The following SLC22A4 variants were observed in gnomAD, a reference collection of about 807,000 sequenced individuals.
The protein encoded by SLC22A4 is solute carrier family 22 member 4.
SLC22A4 carries 39 observed loss-of-function variants against 56.6 expected under a neutral mutation model. The observed-to-expected ratio is 0.69, with a 90% CI of 0.53 to 0.90. The LOEUF (loss-of-function observed/expected upper bound fraction) is 0.90. SLC22A4 is among the 40% of genes least tolerant of loss of function. The pLI is 0.00. For missense variants in SLC22A4, 594 were observed against 696.5 expected (o/e 0.85, Z 1.66); for synonymous variants, 241 against 281.4 (o/e 0.86, Z 1.44).
At chr5:132,338,737 G>A (rs1056182723) in intron 8 of SLC22A4, among the ~76,000 whole-genome samples, 8 of 152,150 alleles carry the variant, frequency 5.3e-5, no homozygotes, top group Admixed American at 2.0e-4. Context: ...ACTCACCAGC[G>A]GTCAGAGTTT....
Position 132,344,138 on chromosome 5 carries a change from C to A in SLC22A4, c.*303C>A. The A allele has an allele frequency of 3.2e-6, 1 of 316,978 alleles. No individual in the cohort carries two copies. Among genetic ancestry groups the A allele is most frequent in the Non-Finnish European group, 5.8e-6 (1 of 172,432 alleles). The allele number at this position is 316,978 out of a possible 1,614,324, so 19.6% of individuals were successfully genotyped here. A position where few individuals can be genotyped will look rare whatever the true frequency, so the allele number is the denominator to read the frequency against. ...TACATATAAAGATTAACACTCATTT[C>A]CAATCATACAAATACTATCCAAATA... On this transcript the variant is annotated 3_prime_UTR_variant, in exon 10 of 10. Transcript: ENST00000200652.
chr5:132,322,910 C>T (rs1205505087), intron 4 of SLC22A4, among the ~76,000 whole-genome samples: 1 of 152,174 alleles, frequency 6.6e-6, no homozygotes, highest in South Asian at 2.1e-4. Context: ...AGTTTTAACA[C>T]AACAGTTATA....
chr5:132,311,965 A>G, intron 1 of SLC22A4, 196 bp from the exon 2 acceptor site: 2 of 646,152 alleles, frequency 3.1e-6, no homozygotes, highest in South Asian at 1.7e-5. Flanking sequence ...GACCTGCCCC[A>G]GGTTACTCTC....
At chr5:132,306,369 A>G (rs1236620885) in intron 1 of SLC22A4, among the ~76,000 whole-genome samples, 1 of 127,028 alleles carries the variant, frequency 7.9e-6, no homozygotes, top group African/African-American at 2.9e-5. Flanking sequence ...AAAACGTGGT[A>G]GACCCAAACC....
chr5:132,339,394 G>A (rs1360525267), intron 8 of SLC22A4, among the ~76,000 whole-genome samples: 1 of 151,752 alleles, frequency 6.6e-6, no homozygotes, highest in Non-Finnish European at 1.5e-5. Flanking sequence ...CCCCATGCCT[G>A]GTCCTCATTA....
At chr5:132,303,295 T>TAC (rs57867025) in intron 1 of SLC22A4, among the ~76,000 whole-genome samples, 4,219 of 150,818 alleles carry the variant, frequency 0.028, 165 homozygotes, top group African/African-American at 0.09. Context: ...CTGGTGAAAA[T>TAC]ACACACACAC....
intron 6 of SLC22A4, among the ~76,000 whole-genome samples, chr5:132,332,730 G>GCACACACACACA (rs3840351): frequency 9.2e-4 from 134 of 145,742 alleles, no homozygotes; most frequent in African/African-American, 2.7e-3. Context: ...TATGATGGCA[G>GCACACACACACA]CACACACACA....
intron 1 of SLC22A4, chr5:132,295,353 T>G: frequency 3.8e-6 from 2 of 531,392 alleles, no homozygotes; most frequent in African/African-American, 1.9e-5. Context: ...CTGAGTCACC[T>G]TCCTGCCAGG....
intron 9 of SLC22A4, among the ~76,000 whole-genome samples, chr5:132,342,484 C>A (rs998018728): frequency 1.3e-5 from 2 of 152,166 alleles, no homozygotes; most frequent in African/African-American, 4.8e-5. Context: ...TATTGAGTGT[C>A]CTATAATGCA....
intron 4 of SLC22A4, 108 bp from the exon 5 acceptor site, chr5:132,327,169 G>C (rs1561543872): frequency 1.1e-6 from 1 of 909,982 alleles, no homozygotes; most frequent in East Asian, 2.7e-5. Flanking sequence ...CCTTTAAAAA[G>C]ACAAACTAGA....
chr5:132,321,519 T>C lies in SLC22A4; in HGVS notation c.653-665T>C, dbSNP rs377394205. Among the ~76,000 whole-genome samples, 22 of 152,344 alleles carry C rather than the reference T, an allele frequency of 1.4e-4. No individual in the cohort carries two copies. The East Asian group carries it at 2.9e-3, about 20-fold the overall frequency. ...TTGTCTCCTGAAATGCTCTCTCTGC[T>C]TCTCATGTTGGGGCTCTTATTTTGG... On this transcript the variant is annotated intron_variant, in intron 3 of 9. Coordinates refer to ENST00000200652, the MANE Select transcript of SLC22A4 (RefSeq NM_003059.3).
At chr5:132,321,722 A>G (rs868571512) in intron 3 of SLC22A4, among the ~76,000 whole-genome samples, 1 of 152,164 alleles carries the variant, frequency 6.6e-6, no homozygotes, top group African/African-American at 2.4e-5. Flanking sequence ...AGCCTGGCCA[A>G]CATGGCGAAA....
At position 132,313,776 on chromosome 5, in the gene SLC22A4, T is replaced by C. The variant is rs759365485; in HGVS notation, c.652+8T>C. 6.2e-7 allele frequency: 1 copy of C among 1,613,940 alleles called. No individual in the cohort carries two copies. The highest frequency in any genetic ancestry group is 2.2e-5 in the East Asian group (1 of 44,882). ...TGGTAGCCTTCATACTAGGTAGGAA[T>C]GGCTTCTGGGACATGGGGTGCTTCC... On this transcript the variant is annotated splice_region_variant and intron_variant, in intron 3 of 9. Coordinates refer to ENST00000200652, the MANE Select transcript of SLC22A4 (RefSeq NM_003059.3).
At chr5:132,311,267 C>T (rs1750172655) in intron 1 of SLC22A4, 1 of 152,148 alleles carries the variant, frequency 6.6e-6, no homozygotes, top group African/African-American at 2.4e-5. Context: ...AAACCCAAGC[C>T]CAAAGTGCTC....
In SLC22A4 at chr5:132,343,954, A is replaced by T; in HGVS notation, c.*119A>T. On this transcript the variant is annotated 3_prime_UTR_variant, in exon 10 of 10. Transcript: ENST00000200652. ...GATTGACACCAAAATGAACCTTGCTATCAAGAAATGCTCGTCATACAGTAA... is the reference window on the plus strand; with the variant it reads ...GATTGACACCAAAATGAACCTTGCTTTCAAGAAATGCTCGTCATACAGTAA... 1 of 667,928 alleles carries T rather than the reference A, an allele frequency of 1.5e-6. No homozygotes were observed. The highest frequency in any genetic ancestry group is 2.7e-6 in the Non-Finnish European group (1 of 374,808). The allele number at this position is 667,928 out of a possible 1,614,324, so 41.4% of individuals were successfully genotyped here.
rs1191983812 is a variant in SLC22A4 at position 132,312,146 on chromosome 5, T to C, written c.394-15T>C. ...TCAGGGTTGGGCTCACGCTTCATGC[T>C]GTCTTCCTTGGCAGTGGAATCTGGT... On this transcript the variant is annotated splice_polypyrimidine_tract_variant and intron_variant, in intron 1 of 9. Transcript: ENST00000200652. 1 of 1,539,672 alleles carries C rather than the reference T, an allele frequency of 6.5e-7. No individual in the cohort carries two copies.
intron 1 of SLC22A4, among the ~76,000 whole-genome samples, chr5:132,301,198 TCTC>T (rs1244476983): frequency 1.3e-5 from 2 of 152,224 alleles, no homozygotes; most frequent in Non-Finnish European, 1.5e-5. Context: ...CATGTCCTCT[TCTC>T]CCATGGAGCA....
intron 8 of SLC22A4, among the ~76,000 whole-genome samples, chr5:132,337,496 C>T (rs946714697): frequency 6.0e-5 from 9 of 151,084 alleles, no homozygotes; most frequent in South Asian, 2.1e-4. Context: ...AGGCTGGTTT[C>T]GAACTCCTGG....
At chr5:132,299,429 ATTTTT>A (rs1554081905) in intron 1 of SLC22A4, among the ~76,000 whole-genome samples, 2 of 72,158 alleles carry the variant, frequency 2.8e-5, no homozygotes, top group South Asian at 4.3e-4. Flanking sequence ...ATTTTATTTT[ATTTTT>A]TTGAGATGGA....
Sources: gnomAD v4.1 joint callset for allele counts (sites outside exome capture counted in the v4.1 genomes callset) on GRCh38, gnomAD v4.1.1 for gene constraint, MANE v1.5 for transcripts, NCBI Gene and HGNC (gene_info 2026-07-23, HGNC 2026-07-21) for gene names.